The following AAK1 variants were observed in gnomAD, a reference collection of about 807,000 sequenced individuals.
AAK1 encodes AP2-associated protein kinase 1.
In AAK1, 37 loss-of-function variants were observed where a neutral mutation model predicts 116.0. That is an observed-to-expected ratio of 0.32 (90% confidence interval 0.25 to 0.42). The LOEUF is 0.42. AAK1 is among the 10% of genes least tolerant of loss of function. The pLI is 1.00. For missense variants in AAK1, 919 were observed against 1,170.6 expected, an observed-to-expected ratio of 0.79 and a Z score of 3.14; for synonymous variants, 458 against 439.9, an observed-to-expected ratio of 1.04 and a Z score of -0.51.
rs571581178 is a variant in AAK1 at position 69,634,038 on chromosome 2, C to T, written c.163+8840G>A. ...TACAAAAATTAGCTGGGTGTGGTGG[C>T]ACATGCCTATAGTTCCAGCTACTCG... On this transcript the variant is annotated intron_variant, in intron 2 of 21. Coordinates refer to ENST00000409085, the MANE Select transcript of AAK1 (RefSeq NM_014911.5). 2.0e-4 allele frequency among the ~76,000 whole-genome samples: 31 copies of T among 152,176 alleles called. 1 individual carries two copies. Among genetic ancestry groups the T allele is most frequent in the African/African-American group, 6.7e-4 (28 of 41,504 alleles).
intron 2 of AAK1, among the ~76,000 whole-genome samples, chr2:69,559,323 T>C (rs1284944022): frequency 6.6e-6 from 1 of 151,570 alleles, no homozygotes; most frequent in African/African-American, 2.4e-5. Context: ...AATTCTAAAA[T>C]GCATGTTTTT....
At position 69,643,202 on chromosome 2, in the gene AAK1, C is replaced by A. The variant is rs1010682687; in HGVS notation, c.-162G>T. The A allele has an allele frequency of 7.0e-7, 1 of 1,429,864 alleles. No homozygotes were observed. Among genetic ancestry groups the A allele is most frequent in the Admixed American group, 3.0e-5 (1 of 33,864 alleles). 88.6% of individuals were successfully genotyped at this position (1,429,864 alleles called of 1,614,324 possible). ...GGGGGTGGGGGCTGAGGGAGGATGC[C>A]TATAGGAATATGCGTGTCAATCGCG... On this transcript the variant is annotated 5_prime_UTR_variant, in exon 2 of 22. It adds an upstream start codon to the 5' untranslated region. Transcript: ENST00000409085.
Position 69,463,283 on chromosome 2 carries a change from C to T in AAK1, c.*12586G>A, listed in dbSNP as rs1425918135. On this transcript the variant is annotated 3_prime_UTR_variant, in exon 22 of 22. Transcript: ENST00000409085. ...TAACAGAAAGCATTAAAGTTGAAAC[C>T]TAATGCAGCAGTTCTTTCCAGTGAG... 1 of 152,198 alleles carries T rather than the reference C, an allele frequency of 6.6e-6. No homozygotes were observed. The highest frequency in any genetic ancestry group is 2.4e-5 in the African/African-American group (1 of 41,446). 9.4% of individuals were successfully genotyped at this position (152,198 alleles called of 1,614,324 possible). A position where few individuals can be genotyped will look rare whatever the true frequency, so the allele number is the denominator to read the frequency against.
At chr2:69,627,771 T>C (rs2105251690) in intron 2 of AAK1, among the ~76,000 whole-genome samples, 1 of 152,340 alleles carries the variant, frequency 6.6e-6, no homozygotes, top group Non-Finnish European at 1.5e-5. Context: ...TGTGGTTTTA[T>C]GACAACTCCC....
At chr2:69,622,876 G>A (rs773180158) in intron 2 of AAK1, among the ~76,000 whole-genome samples, 8 of 151,970 alleles carry the variant, frequency 5.3e-5, no homozygotes, top group East Asian at 1.9e-4. Flanking sequence ...GATTATAAAC[G>A]CACCAATCAG....
intron 17 of AAK1, among the ~76,000 whole-genome samples, chr2:69,489,052 C>T (rs1675416245): frequency 1.3e-5 from 2 of 150,448 alleles, no homozygotes. Context: ...CTGTATGTTA[C>T]CCAGTCTCAT....
chr2:69,632,045 A>C (rs1270142350), intron 2 of AAK1, among the ~76,000 whole-genome samples: 1 of 152,114 alleles, frequency 6.6e-6, no homozygotes, highest in Non-Finnish European at 1.5e-5. Context: ...AAAAGGGAGA[A>C]AGGAGGTATA....
intron 13 of AAK1, among the ~76,000 whole-genome samples, chr2:69,512,862 T>C (rs1676444193): frequency 6.6e-6 from 1 of 152,194 alleles, no homozygotes; most frequent in Non-Finnish European, 1.5e-5. Flanking sequence ...CAGTAGTAGT[T>C]GATCATTTTA....
intron 2 of AAK1, among the ~76,000 whole-genome samples, chr2:69,577,152 G>A (rs1672347815): frequency 6.6e-6 from 1 of 152,232 alleles, no homozygotes; most frequent in African/African-American, 2.4e-5. Context: ...GGTTCACTCT[G>A]AGCAGCAGAA....
At chr2:69,617,665 G>A (rs912618609) in intron 2 of AAK1, among the ~76,000 whole-genome samples, 1 of 152,218 alleles carries the variant, frequency 6.6e-6, no homozygotes, top group Non-Finnish European at 1.5e-5. Context: ...ACATGCTTGA[G>A]TGTATGAGAG....
At chr2:69,536,062 G>C (rs1332358242) in intron 5 of AAK1, among the ~76,000 whole-genome samples, 2 of 152,216 alleles carry the variant, frequency 1.3e-5, no homozygotes, top group Non-Finnish European at 2.9e-5. Flanking sequence ...AAAGAGGCCA[G>C]AGAAGTTACC....
At chr2:69,567,180 G>GCTT (rs1328219792) in intron 2 of AAK1, among the ~76,000 whole-genome samples, 1 of 152,186 alleles carries the variant, frequency 6.6e-6, no homozygotes, top group Non-Finnish European at 1.5e-5. Flanking sequence ...CTTTGCACAT[G>GCTT]CTTCTCCCTT....
intron 2 of AAK1, among the ~76,000 whole-genome samples, chr2:69,609,907 G>A (rs911251686): frequency 2.0e-5 from 3 of 151,542 alleles, no homozygotes; most frequent in South Asian, 2.1e-4. Context: ...AAAATTAGCC[G>A]AGCATGGTGG....
At chr2:69,531,566 T>G in intron 6 of AAK1, 1 of 984,868 alleles carries the variant, frequency 1.0e-6, no homozygotes, top group South Asian at 4.7e-5. Context: ...AAGTCTGTGA[T>G]TCAGTATCTG....
intron 17 of AAK1, among the ~76,000 whole-genome samples, chr2:69,487,553 T>G (rs1180672358): frequency 6.6e-6 from 1 of 152,180 alleles, no homozygotes; most frequent in Non-Finnish European, 1.5e-5. Flanking sequence ...GTGACTTCTT[T>G]GGATGCAAAG....
intron 11 of AAK1, 94 bp from the exon 12 acceptor site, chr2:69,519,334 G>T (rs181462383): frequency 7.0e-6 from 10 of 1,433,462 alleles, no homozygotes; most frequent in Middle Eastern, 1.9e-4. Context: ...GGGGTGACAA[G>T]TGTGCAGAGT....
intron 2 of AAK1, among the ~76,000 whole-genome samples, chr2:69,634,649 G>T (rs2105265509): frequency 6.6e-6 from 1 of 152,294 alleles, no homozygotes; most frequent in South Asian, 2.1e-4. Context: ...TGGGGTCTGT[G>T]GTGTAGTCTC....
chr2:69,566,599 ACTGGCCTGGCT>A (rs1671881475), intron 2 of AAK1, among the ~76,000 whole-genome samples: 3 of 152,204 alleles, frequency 2.0e-5, no homozygotes, highest in Non-Finnish European at 4.4e-5. Context: ...AACATGGCAC[ACTGGCCTGGCT>A]ATTGGTTCTT....
intron 2 of AAK1, among the ~76,000 whole-genome samples, chr2:69,589,936 G>A (rs1427004227): frequency 1.9e-4 from 29 of 151,908 alleles, no homozygotes; most frequent in Admixed American, 1.9e-3. Context: ...AGCCAAGCAA[G>A]ATAATAAAAA....
Sources: gnomAD v4.1 joint callset for allele counts (sites outside exome capture counted in the v4.1 genomes callset) on GRCh38, gnomAD v4.1.1 for gene constraint, MANE v1.5 for transcripts, NCBI Gene and HGNC (gene_info 2026-07-23, HGNC 2026-07-21) for gene names.